The following DPYD variants were observed in gnomAD, a reference collection of about 807,000 sequenced individuals.
The protein encoded by DPYD is dihydropyrimidine dehydrogenase [NADP(+)].
A neutral mutation model predicts 116.2 loss-of-function variants in DPYD; 109 were observed. The observed-to-expected ratio is 0.94, with a 90% CI of 0.80 to 1.10. DPYD has a LOEUF of 1.10. Among genes scored for constraint, DPYD ranks in the 50% least tolerant of loss-of-function variants. The pLI is 0.00. For synonymous variants in DPYD, 440 were observed against 432.0 expected (o/e 1.02, Z -0.23); for missense variants, 1,302 against 1,254.5 (o/e 1.04, Z -0.57).
At chr1:97,903,777 G>A (rs2101690639) in intron 1 of DPYD, among the ~76,000 whole-genome samples, 1 of 152,004 alleles carries the variant, frequency 6.6e-6, no homozygotes, top group South Asian at 2.1e-4. Flanking sequence ...ACTTTAGGCA[G>A]CCTTTTAAAA....
At chr1:97,464,147 G>A (rs902408873) in intron 13 of DPYD, among the ~76,000 whole-genome samples, 3 of 151,930 alleles carry the variant, frequency 2.0e-5, no homozygotes, top group African/African-American at 7.3e-5. Flanking sequence ...GCTGAGGCAG[G>A]AGAATCACTT....
chr1:97,192,952 C>A, intron 20 of DPYD, 117 bp downstream of exon 20: 1 of 1,181,444 alleles, frequency 8.5e-7, no homozygotes. Context: ...CTGAAGAAAT[C>A]ACATCCAGGA....
intron 11 of DPYD, among the ~76,000 whole-genome samples, chr1:97,551,026 TG>T (rs1357919778): frequency 1.2e-4 from 18 of 152,174 alleles, no homozygotes; most frequent in Non-Finnish European, 2.1e-4. Flanking sequence ...AACAGCAATT[TG>T]TCCACACTGC....
chr1:97,288,056 CT>C, intron 18 of DPYD, among the ~76,000 whole-genome samples: 1 of 150,944 alleles, frequency 6.6e-6, no homozygotes, highest in East Asian at 2.0e-4. Context: ...ATAAAACAGA[CT>C]TTAAACCAAC....
intron 18 of DPYD, among the ~76,000 whole-genome samples, chr1:97,290,513 G>T (rs1162963089): frequency 1.3e-5 from 2 of 151,964 alleles, no homozygotes; most frequent in African/African-American, 4.8e-5. Context: ...ACAGAACAGA[G>T]CCCTCAGAAA....
intron 7 of DPYD, among the ~76,000 whole-genome samples, chr1:97,684,909 C>A (rs1571187166): frequency 6.6e-6 from 1 of 152,102 alleles, no homozygotes; most frequent in East Asian, 1.9e-4. Context: ...TGAATTCTAC[C>A]AGAATTACAA....
intron 20 of DPYD, among the ~76,000 whole-genome samples, chr1:97,181,203 G>C (rs1438969716): frequency 6.6e-6 from 1 of 152,104 alleles, no homozygotes; most frequent in Non-Finnish European, 1.5e-5. Context: ...AATGATTAGA[G>C]TTGCCTTGTA....
In DPYD at chr1:97,628,121, A is replaced by C. The variant is rs923617240; in HGVS notation, c.851-32955T>G. On this transcript the variant is annotated intron_variant, in intron 8 of 22. Transcript: ENST00000370192. ...TTGGGGGAAAGGGAAAGGGTCTTCC[A>C]AATCTTGACCACTTTCATGGACCAA... Among the ~76,000 whole-genome samples the C allele has an allele frequency of 2.6e-5, 4 of 152,008 alleles. No individual in the cohort carries two copies. The East Asian group carries it at 7.8e-4, about 29-fold the overall frequency.
intron 19 of DPYD, among the ~76,000 whole-genome samples, chr1:97,232,284 C>T (rs914848737): frequency 6.6e-6 from 1 of 152,004 alleles, no homozygotes; most frequent in Non-Finnish European, 1.5e-5. Flanking sequence ...TTGTTTGTCC[C>T]CAATAAGTAA....
chr1:97,169,572 T>C (rs1656577071), intron 20 of DPYD, among the ~76,000 whole-genome samples: 1 of 138,798 alleles, frequency 7.2e-6, no homozygotes, highest in South Asian at 2.4e-4. Flanking sequence ...GTTATGGAGT[T>C]TTGCTCTTGT....
chr1:97,746,714 C>T (rs1303272348), intron 3 of DPYD, among the ~76,000 whole-genome samples: 1 of 151,946 alleles, frequency 6.6e-6, no homozygotes, highest in Non-Finnish European at 1.5e-5. Context: ...ATCATGAATA[C>T]AGGTACAGAC....
chr1:97,477,104 A>G (rs1435831193), intron 13 of DPYD, among the ~76,000 whole-genome samples: 2 of 152,136 alleles, frequency 1.3e-5, no homozygotes, highest in African/African-American at 2.4e-5. Context: ...CAAGACAACA[A>G]TGAAATTTGC....
At chr1:97,266,723 C>A (rs569378879) in intron 18 of DPYD, among the ~76,000 whole-genome samples, 1 of 152,102 alleles carries the variant, frequency 6.6e-6, no homozygotes, top group African/African-American at 2.4e-5. Context: ...TGTTCTCTGC[C>A]CTGTGTCCAA....
At chr1:97,464,722 G>T (rs966044809) in intron 13 of DPYD, among the ~76,000 whole-genome samples, 9 of 152,212 alleles carry the variant, frequency 5.9e-5, no homozygotes, top group African/African-American at 2.2e-4. Flanking sequence ...CTAGATTTCA[G>T]AGGATGTATG....
intron 13 of DPYD, among the ~76,000 whole-genome samples, chr1:97,463,097 A>G (rs1242549794): frequency 6.6e-6 from 1 of 152,152 alleles, no homozygotes; most frequent in Non-Finnish European, 1.5e-5. Context: ...AAACCAATGT[A>G]TATCTTGCAT....
chr1:97,906,675 C>T (rs1673642306), intron 1 of DPYD, among the ~76,000 whole-genome samples: 1 of 152,082 alleles, frequency 6.6e-6, no homozygotes, highest in Admixed American at 6.6e-5. Flanking sequence ...TTGAACCCTA[C>T]ATATATATTT....
intron 18 of DPYD, among the ~76,000 whole-genome samples, chr1:97,265,641 T>C (rs1421658992): frequency 1.3e-5 from 2 of 152,356 alleles, no homozygotes; most frequent in East Asian, 1.9e-4. Context: ...GTCATTGTGA[T>C]GTACAAAAAA....
chr1:97,490,933 G>C (rs1678937244), intron 13 of DPYD, among the ~76,000 whole-genome samples: 1 of 150,610 alleles, frequency 6.6e-6, no homozygotes, highest in South Asian at 2.1e-4. Context: ...CTACTGATTT[G>C]CTATTTTTCT....
intron 15 of DPYD, among the ~76,000 whole-genome samples, chr1:97,375,920 C>T (rs975161988): frequency 2.4e-4 from 36 of 152,252 alleles, no homozygotes; most frequent in African/African-American, 8.4e-4. Flanking sequence ...TAAGGCTTTG[C>T]ATAATAATTT....
Sources: gnomAD v4.1 joint callset for allele counts (sites outside exome capture counted in the v4.1 genomes callset) on GRCh38, gnomAD v4.1.1 for gene constraint, MANE v1.5 for transcripts, NCBI Gene and HGNC (gene_info 2026-07-23, HGNC 2026-07-21) for gene names.